The following RBFOX1 variants were observed in gnomAD, a reference collection of about 807,000 sequenced individuals.
RBFOX1 encodes RNA binding fox-1 homolog 1, also known as RNA binding protein fox-1 homolog 1.
A neutral mutation model predicts 57.7 loss-of-function variants in RBFOX1; 8 were observed. That is an observed-to-expected ratio of 0.14 (90% CI 0.08 to 0.25). The LOEUF is 0.25. Ranked by LOEUF, RBFOX1 falls within the 10% of genes least tolerant of loss-of-function variation. The probability of loss-of-function intolerance (pLI) is 1.00; values close to 1 mark genes in which losing one functional copy is unlikely to be tolerated. For synonymous variants in RBFOX1, 326 were observed against 222.4 expected (o/e 1.47, Z -4.15); for missense variants, 611 against 548.5 (o/e 1.11, Z -1.14).
At chr16:7,471,985 C>G (rs1011530401) in intron 4 of RBFOX1, among the ~76,000 whole-genome samples, 1 of 152,180 alleles carries the variant, frequency 6.6e-6, no homozygotes, top group Non-Finnish European at 1.5e-5. Flanking sequence ...GGATCTTTCA[C>G]AGAGTACAAA....
At chr16:6,757,216 C>T (rs1210211243) in intron 3 of RBFOX1, among the ~76,000 whole-genome samples, 1 of 151,950 alleles carries the variant, frequency 6.6e-6, no homozygotes, top group South Asian at 2.1e-4. Flanking sequence ...ATTGGCACAG[C>T]TAATAGGGAA....
At chr16:5,778,878 T>C (rs542509712) in intron 3 of RBFOX1, among the ~76,000 whole-genome samples, 6 of 152,330 alleles carry the variant, frequency 3.9e-5, no homozygotes, top group Admixed American at 2.0e-4. Flanking sequence ...ATCTGCCTGA[T>C]ATGATTCCTG....
At chr16:7,562,766 C>T (rs1016854914) in intron 5 of RBFOX1, among the ~76,000 whole-genome samples, 2 of 152,234 alleles carry the variant, frequency 1.3e-5, no homozygotes, top group Non-Finnish European at 2.9e-5. Context: ...AGAGGTTGCA[C>T]CTCATCCCAC....
intron 1 of RBFOX1, among the ~76,000 whole-genome samples, chr16:6,281,085 T>C (rs969044583): frequency 6.6e-6 from 1 of 151,270 alleles, no homozygotes; most frequent in Non-Finnish European, 1.5e-5. Flanking sequence ...AGCACCCTCC[T>C]AGACATCTAT....
At chr16:6,176,312 A>C (rs9940850) in intron 1 of RBFOX1, among the ~76,000 whole-genome samples, 9,168 of 126,106 alleles carry the variant, frequency 0.073, 594 homozygotes, top group African/African-American at 0.17. Context: ...TGCCTGACCA[A>C]ATTTTTTTTT....
intron 1 of RBFOX1, among the ~76,000 whole-genome samples, chr16:6,073,138 C>A (rs1370727796): frequency 6.6e-6 from 1 of 152,082 alleles, no homozygotes; most frequent in Non-Finnish European, 1.5e-5. Flanking sequence ...GTTACATACC[C>A]TAATATCTAA....
rs574076102 is a variant in RBFOX1, at chr16:5,280,825, C to T, written c.219+40720C>T. Among the ~76,000 whole-genome samples the T allele has an allele frequency of 8.6e-3, 1,002 of 116,456 alleles. 9 individuals are homozygous for T. The highest frequency in any genetic ancestry group is 0.029 in the African/African-American group (955 of 33,040). The allele number at this position is 116,456 out of a possible 152,430, so 76.4% of individuals were successfully genotyped here. On this transcript the variant is annotated intron_variant, in intron 1 of 2. Transcript: ENST00000585867. ...GTATTTATTTGGGTCTCCTTTCTTT[C>T]TTTTTTTTTTTGGTTAGCCTCACTA...
At chr16:6,196,543 G>A (rs966192189) in intron 1 of RBFOX1, among the ~76,000 whole-genome samples, 2 of 151,968 alleles carry the variant, frequency 1.3e-5, no homozygotes, top group South Asian at 2.1e-4. Flanking sequence ...GCGTGGCTGC[G>A]ACTTAAAAAG....
At chr16:5,867,448 G>T (rs2057369683) in intron 4 of RBFOX1, 1 of 753,846 alleles carries the variant, frequency 1.3e-6, no homozygotes, top group Non-Finnish European at 1.8e-6. Flanking sequence ...ATTTCCTGGT[G>T]GCTTGGATGG....
chr16:6,120,795 AG>A (rs2096543406), intron 1 of RBFOX1, among the ~76,000 whole-genome samples: 1 of 152,104 alleles, frequency 6.6e-6, no homozygotes, highest in Non-Finnish European at 1.5e-5. Flanking sequence ...GTAAGACGTC[AG>A]TTCTGGTGCT....
intron 1 of RBFOX1, among the ~76,000 whole-genome samples, chr16:6,026,029 C>G (rs1258344531): frequency 2.0e-5 from 3 of 152,168 alleles, no homozygotes; most frequent in South Asian, 2.1e-4. Flanking sequence ...CCCCCACCCA[C>G]CCAGCAGTTC....
chr16:7,061,854 A>G (rs138725230), intron 4 of RBFOX1, among the ~76,000 whole-genome samples: 32 of 151,586 alleles, frequency 2.1e-4, no homozygotes, highest in African/African-American at 7.3e-4. Flanking sequence ...ATTTCAGGAG[A>G]AAAAAAAATA....
chr16:5,314,021 A>G (rs1474740076), intron 1 of RBFOX1, among the ~76,000 whole-genome samples: 1 of 152,206 alleles, frequency 6.6e-6, no homozygotes, highest in East Asian at 1.9e-4. Flanking sequence ...ACAACACGTA[A>G]TAATAGTAAT....
At chr16:7,675,557 G>A (rs1036615230) in intron 13 of RBFOX1, among the ~76,000 whole-genome samples, 1 of 152,190 alleles carries the variant, frequency 6.6e-6, no homozygotes, top group Admixed American at 6.6e-5. Context: ...TATTTACTCT[G>A]AAAGTTAACT....
intron 1 of RBFOX1, among the ~76,000 whole-genome samples, chr16:6,113,718 T>C (rs1291374166): frequency 2.6e-5 from 4 of 152,216 alleles, no homozygotes; most frequent in Non-Finnish European, 5.9e-5. Flanking sequence ...TTCACCCACA[T>C]TTGGAGTTAT....
chr16:6,450,077 T>C (rs2094559141), intron 2 of RBFOX1, among the ~76,000 whole-genome samples: 1 of 152,088 alleles, frequency 6.6e-6, no homozygotes, highest in Non-Finnish European at 1.5e-5. Context: ...AGGCATGCCT[T>C]TTGTGCCTCT....
chr16:5,803,622 A>T (rs957147674), intron 3 of RBFOX1, among the ~76,000 whole-genome samples: 2 of 152,140 alleles, frequency 1.3e-5, no homozygotes, highest in African/African-American at 4.8e-5. Flanking sequence ...TAAGAACTTG[A>T]TGAAATAGGG....
intron 3 of RBFOX1, among the ~76,000 whole-genome samples, chr16:5,676,923 A>G (rs1797543113): frequency 6.6e-6 from 1 of 152,184 alleles, no homozygotes; most frequent in Non-Finnish European, 1.5e-5. Flanking sequence ...AATGTTGGTG[A>G]TTGACTTTTA....
intron 4 of RBFOX1, among the ~76,000 whole-genome samples, chr16:7,300,453 G>A (rs11077171): frequency 0.012 from 1,815 of 152,214 alleles, 32 homozygotes; most frequent in Middle Eastern, 0.082. Flanking sequence ...CTATATTGTC[G>A]TCCACATTAA....
Sources: gnomAD v4.1 joint callset for allele counts (sites outside exome capture counted in the v4.1 genomes callset) on GRCh38, gnomAD v4.1.1 for gene constraint, MANE v1.5 for transcripts, NCBI Gene and HGNC (gene_info 2026-07-23, HGNC 2026-07-21) for gene names.